The following CCDC88B variants were observed in gnomAD, a reference collection of about 807,000 sequenced individuals.
CCDC88B encodes coiled-coil domain-containing protein 88B.
Under a neutral mutation model 183.7 loss-of-function variants are expected in CCDC88B, and 138 were observed. The ratio of observed to expected loss-of-function variants is 0.75; its 90% CI spans 0.65 to 0.87. The LOEUF (loss-of-function observed/expected upper bound fraction) is 0.87. CCDC88B is among the 40% of genes least tolerant of loss of function. CCDC88B has a pLI of 0.00. For synonymous variants in CCDC88B, 835 were observed against 867.5 expected (o/e 0.96, Z 0.66); for missense variants, 1,822 against 1,965.6 (o/e 0.93, Z 1.38).
intron 17 of CCDC88B, 35 bp downstream of exon 17, chr11:64,351,290 G>A (rs2036318671): frequency 6.7e-7 from 1 of 1,499,894 alleles, no homozygotes; most frequent in Non-Finnish European, 8.9e-7. Flanking sequence ...CTGGGGAGGT[G>A]CCCCGTGCAG....
At position 64,349,024 on chromosome 11, in the gene CCDC88B, C is replaced by A. The variant is rs775329657; in HGVS notation, c.2617-307C>A. On this transcript the variant is annotated intron_variant, in intron 14 of 26. Coordinates refer to ENST00000356786, the MANE Select transcript of CCDC88B (RefSeq NM_032251.6). ...CACCGGGCGCATCCACCTTTCACTG[C>A]GCACATGAAGAACCGTGGGCTCAGA... 1.5e-5 allele frequency: 11 copies of A among 717,482 alleles called. No individual in the cohort carries two copies. In the East Asian group the frequency reaches 2.4e-4, roughly 16 times the overall value. The allele number at this position is 717,482 out of a possible 1,614,324, so 44.4% of individuals were successfully genotyped here.
intron 14 of CCDC88B, 112 bp downstream of exon 14, chr11:64,345,269 TG>T: frequency 7.9e-7 from 1 of 1,266,252 alleles, no homozygotes; most frequent in Non-Finnish European, 1.1e-6. Flanking sequence ...GAGCTGGGGC[TG>T]GAGATAGAAA....
intron 14 of CCDC88B, among the ~76,000 whole-genome samples, chr11:64,346,687 G>T (rs1300116833): frequency 6.6e-6 from 1 of 151,928 alleles, no homozygotes; most frequent in East Asian, 1.9e-4. Context: ...TGATCCACCC[G>T]CCTTGGCCTC....
Position 64,341,686 on chromosome 11 carries a change from C to T in CCDC88B, c.619C>T (p.Arg207Trp), listed in dbSNP as rs141970879. 1.1e-5 allele frequency: 17 copies of T among 1,607,712 alleles called. No homozygotes were observed. Among genetic ancestry groups the T allele is most frequent in the Middle Eastern group, 1.7e-4 (1 of 6,054 alleles). The change falls in exon 7 of 27, where the codon CGG becomes TGG. Residue 207 changes from arginine (R) to tryptophan (W), a missense_variant. Transcript: ENST00000356786. ...LAPAELEMLS[R>W]SLMGTLSKLA... ...ACCTGCCGAGCTGGAGATGCTGTCCCGGAGCCTGATGGGGACACTGTCGAA... is the reference window on the plus strand; with the variant it reads ...ACCTGCCGAGCTGGAGATGCTGTCCTGGAGCCTGATGGGGACACTGTCGAA...
At position 64,342,673 on chromosome 11, in the gene CCDC88B, A is replaced by G; in HGVS notation, c.1055A>G (p.Gln352Arg). The change falls in exon 10 of 27, where the codon CAG becomes CGG. Residue 352 changes from glutamine to arginine, a missense_variant. Gln to Arg is a conservative substitution (Grantham distance 43, BLOSUM62 1). Coordinates refer to ENST00000356786, the MANE Select transcript of CCDC88B (RefSeq NM_032251.6). ...CAGGCGGCTGAGGCCTACAAGAGTC[A>G]GCTGGAGGTGAGGCGGAGACGGAGC... ...RLQAAEAYKSQLEEERVLSGV... is the reference protein window; with the variant it reads ...RLQAAEAYKSRLEEERVLSGV... 6.7e-7 allele frequency: 1 copy of G among 1,493,224 alleles called. No homozygotes were observed. 92.5% of individuals were successfully genotyped at this position (1,493,224 alleles called of 1,614,324 possible).
intron 20 of CCDC88B, 50 bp downstream of exon 20, chr11:64,352,937 A>G: frequency 6.6e-7 from 1 of 1,520,444 alleles, no homozygotes; most frequent in Non-Finnish European, 8.8e-7. Flanking sequence ...CCCATCCTGA[A>G]AGTGGGTTGG....
chr11:64,344,297 C>T lies in CCDC88B; in HGVS notation c.1756C>T (p.Gln586Ter). ...PQESGSPVETQESPEKAGRRS... is the reference protein window; with the variant it reads ...PQESGSPVET ...AGAGTCAGGCTCTCCTGTGGAGACA[C>T]AGGAGTCCCCGGAGAAGGCTGGCCG... Residue 586 changes from glutamine to a stop codon, truncating the protein, a stop_gained, in exon 14 of 27, where the codon CAG becomes TAG. Coordinates refer to ENST00000356786, the MANE Select transcript of CCDC88B (RefSeq NM_032251.6). LOFTEE classifies it high-confidence loss of function. This position sits in a 1 kb window ranked among gnomAD's most constrained non-coding sequence, Gnocchi z 4.5. 6.2e-7 allele frequency: 1 copy of T among 1,613,732 alleles called. No homozygotes were observed. The highest frequency in any genetic ancestry group is 8.5e-7 in the Non-Finnish European group (1 of 1,179,970).
chr11:64,347,588 C>T lies in CCDC88B; in HGVS notation c.2617-1743C>T, dbSNP rs186962938. Among the ~76,000 whole-genome samples the T allele has an allele frequency of 2.7e-3, 407 of 152,114 alleles. 2 individuals are homozygous for T. The highest frequency in any genetic ancestry group is 4.0e-3 in the Non-Finnish European group (275 of 67,994). On this transcript the variant is annotated intron_variant, in intron 14 of 26. Coordinates refer to ENST00000356786, the MANE Select transcript of CCDC88B (RefSeq NM_032251.6). ...CAGGCCCAGGGTAAGGGGGTTCTGG[C>T]GAATGTGAGAGGGAAGGTGAGAGAC... is the stretch of plus-strand genomic sequence containing the variant.
At chr11:64,354,259 T>G in intron 24 of CCDC88B, 89 bp downstream of exon 24, 1 of 1,158,814 alleles carries the variant, frequency 8.6e-7, no homozygotes, top group Non-Finnish European at 1.1e-6. Context: ...CTGGCCTGCA[T>G]GCGTGACCCC....
chr11:64,348,739 C>G, intron 14 of CCDC88B: 1 of 464,790 alleles, frequency 2.2e-6, no homozygotes, highest in South Asian at 3.4e-5. Flanking sequence ...ATGGTTTGGT[C>G]TCCCTCCCTC....
intron 3 of CCDC88B, 26 bp from the exon 4 acceptor site, chr11:64,341,083 C>CAT (rs1462945802): frequency 6.2e-7 from 1 of 1,614,070 alleles, no homozygotes; most frequent in South Asian, 1.1e-5. Flanking sequence ...GAAGGCGCCT[C>CAT]ATATAGTCTG....
In CCDC88B at chr11:64,353,747, A is replaced by G; in HGVS notation, c.3866A>G (p.Gln1289Arg). ...CTTAATGCCCTGCGCCGCGAGAAGC[A>G]GAAGCTCGTGGAGAAGATCATGGAC... Reference protein sequence around the residue: ...DQLNALRREKQKLVEKIMDQY... With the variant: ...DQLNALRREKRKLVEKIMDQY... Residue 1289 changes from glutamine (Q) to arginine (R), a missense_variant, in exon 23 of 27, where the codon CAG (glutamine) becomes CGG (arginine). Gln to Arg is a conservative substitution (Grantham distance 43). Coordinates refer to ENST00000356786, the MANE Select transcript of CCDC88B (RefSeq NM_032251.6). 6.2e-7 allele frequency: 1 copy of G among 1,614,092 alleles called. No homozygotes were observed.
Position 64,353,089 on chromosome 11 carries a change from G to A in CCDC88B, c.3536G>A (p.Arg1179Gln), listed in dbSNP as rs776390221. ...CTGCTGGCAGAGTTGTCTCGGGAGC[G>A]GGGTGAGCTGCAGGGTGAACGCGGG... ...QMLLAELSRE[R>Q]GELQGERGEL... Residue 1179 changes from arginine (R) to glutamine (Q), a missense_variant, in exon 21 of 27, where the codon CGG becomes CAG. Arg to Gln is a conservative substitution (Grantham distance 43). Coordinates refer to ENST00000356786, the MANE Select transcript of CCDC88B (RefSeq NM_032251.6). 6.2e-6 allele frequency: 10 copies of A among 1,606,638 alleles called. No individual in the cohort carries two copies. The highest frequency in any genetic ancestry group is 2.2e-5 in the South Asian group (2 of 89,858).
Position 64,344,941 on chromosome 11 carries a change from T to C in CCDC88B, c.2400T>C (p.Ala800=), listed in dbSNP as rs1301403130. ...QARLREAVEA[A]GQELESASQE... ...GGCTGCGGGAGGCAGTGGAGGCTGC[T>C]GGCCAGGAGCTGGAGTCTGCGTCCC... Residue 800 remains alanine, a synonymous_variant, in exon 14 of 27, where the codon GCT becomes GCC. Transcript: ENST00000356786. The surrounding 1 kb of genome is among the most constrained non-coding windows in gnomAD (Gnocchi z 4.5). The C allele has an allele frequency of 2.6e-6, 4 of 1,558,604 alleles. No homozygotes were observed. Among genetic ancestry groups the C allele is most frequent in the Non-Finnish European group, 3.5e-6 (4 of 1,152,408 alleles).
rs773067211 is a variant in CCDC88B, at chr11:64,342,549, C to A, written c.931C>A (p.Arg311=). The change falls in exon 10 of 27, where the codon CGG becomes AGG. Residue 311 remains arginine, a synonymous_variant. Transcript: ENST00000356786. Reference sequence around the variant, plus strand: ...CCAGGCGCTGTCGGGACAGGCCAAGCGGGCCGAGCTGTACCGCGAGGAGGC... The same window carrying A: ...CCAGGCGCTGTCGGGACAGGCCAAGAGGGCCGAGCTGTACCGCGAGGAGGC... ...EAQALSGQAK[R]AELYREEAEA... 14 of 1,530,388 alleles carry A rather than the reference C, an allele frequency of 9.1e-6. No homozygotes were observed. The Admixed American group carries it at 2.8e-4, about 30-fold the overall frequency. The allele number at this position is 1,530,388 out of a possible 1,614,324, so 94.8% of individuals were successfully genotyped here.
At chr11:64,353,865 C>T in intron 23 of CCDC88B, 52 bp downstream of exon 23, 27 of 1,605,482 alleles carry the variant, frequency 1.7e-5, no homozygotes, top group Non-Finnish European at 2.3e-5. Context: ...AACCTCTGCC[C>T]CTGCCCTGGC....
Position 64,357,173 on chromosome 11 carries a change from C to T in CCDC88B, c.*79C>T. ...GCGGAGGCCCCAGGCAGCCCAAGAG[C>T]TCAGGGAGCCAGGGACCCCAAGGGG... is the stretch of plus-strand genomic sequence containing the variant. On this transcript the variant is annotated 3_prime_UTR_variant, in exon 27 of 27. Transcript: ENST00000356786. 1 of 1,553,384 alleles carries T rather than the reference C, an allele frequency of 6.4e-7. No homozygotes were observed. The highest frequency in any genetic ancestry group is 8.9e-7 in the Non-Finnish European group (1 of 1,124,896).
chr11:64,342,727 G>A (rs748975650), intron 10 of CCDC88B, 47 bp downstream of exon 10: 1 of 1,443,632 alleles, frequency 6.9e-7, no homozygotes, highest in African/African-American at 1.5e-5. Context: ...CGAGGGGGCG[G>A]GCCAGGAGGA....
intron 23 of CCDC88B, 25 bp from the exon 24 acceptor site, chr11:64,353,979 C>A (rs1239458061): frequency 6.6e-7 from 1 of 1,513,236 alleles, no homozygotes; most frequent in South Asian, 1.3e-5. Context: ...TGTCCTGACC[C>A]CCTCTTGTGC....
Sources: gnomAD v4.1 joint callset for allele counts (sites outside exome capture counted in the v4.1 genomes callset) on GRCh38, gnomAD v4.1.1 for gene constraint, Gnocchi (gnomAD v3.1) non-coding constraint, MANE v1.5 for transcripts, NCBI Gene and HGNC (gene_info 2026-07-23, HGNC 2026-07-21) for gene names.